KRT76: variants seen among roughly 807,000 people sequenced by gnomAD.
KRT76 encodes keratin, type II cytoskeletal 2 oral.
Under a neutral mutation model 44.9 loss-of-function variants are expected in KRT76, and 47 were observed. The ratio of observed to expected loss-of-function variants is 1.05; its 90% CI spans 0.83 to 1.33. The LOEUF (loss-of-function observed/expected upper bound fraction) is 1.33. Among genes scored for constraint, KRT76 ranks in the 40% most tolerant of loss-of-function variants. The pLI, the probability that KRT76 is intolerant of heterozygous loss-of-function variation, is 0.00. For synonymous variants in KRT76, 331 were observed against 294.1 expected, an observed-to-expected ratio of 1.13 and a Z score of -1.28; for missense variants, 860 against 775.8, an observed-to-expected ratio of 1.11 and a Z score of -1.29.
Position 52,773,598 on chromosome 12 carries a change from A to C in KRT76, c.860T>G (p.Phe287Cys), listed in dbSNP as rs111308758. ...CTCACCTACCTTCTTGAGCCCCACA[A>C]ACTCATTCTCTGCGGCAGTGCGTTT... is the stretch of plus-strand genomic sequence containing the variant. Reference protein sequence around the residue: ...INKRTAAENEFVGLKKDVDAA... With the variant: ...INKRTAAENECVGLKKDVDAA... Residue 287 changes from phenylalanine to cysteine, a missense_variant, in exon 3 of 9, where the codon TTT (phenylalanine) becomes TGT (cysteine). Transcript: ENST00000332411. 6.2e-7 allele frequency: 1 copy of C among 1,613,374 alleles called. No homozygotes were observed.
rs1939130055 is a variant in KRT76, at chr12:52,768,766, T to C, written c.1864A>G (p.Ser622Gly). 1 of 1,611,446 alleles carries C rather than the reference T, an allele frequency of 6.2e-7. No individual in the cohort carries two copies. Among genetic ancestry groups the C allele is most frequent in the Non-Finnish European group, 8.5e-7 (1 of 1,177,914 alleles). ...GYKSGGGGST[S>G]IRFSQTTSSS... ...CTCGTGGTCTGGGAGAAGCGGATAC[T>C]GGTGCTGCCTCCACCACCAGACTTG... The change falls in exon 9 of 9, where the codon AGT becomes GGT. Residue 622 changes from serine (S) to glycine (G), a missense_variant. Transcript: ENST00000332411.
chr12:52,769,732 C>G, intron 7 of KRT76, 149 bp from the exon 8 acceptor site: 1 of 684,130 alleles, frequency 1.5e-6, no homozygotes, highest in East Asian at 2.6e-5. Context: ...AGTCTGTTTC[C>G]ATGACCATAT....
chr12:52,770,758 A>G (rs770696083), intron 7 of KRT76, among the ~76,000 whole-genome samples: 9 of 152,168 alleles, frequency 5.9e-5, no homozygotes, highest in Non-Finnish European at 1.5e-5. Flanking sequence ...TTCCTCATAC[A>G]TTGCACATAG....
intron 1 of KRT76, 102 bp from the exon 2 acceptor site, chr12:52,775,704 T>C (rs1050622681): frequency 4.7e-6 from 4 of 842,194 alleles, no homozygotes; most frequent in Non-Finnish European, 7.5e-6. Flanking sequence ...AGTTCTTCAA[T>C]CTACAATTTC....
Position 52,771,026 on chromosome 12 carries a change from C to T in KRT76, c.1457G>A (p.Arg486His), listed in dbSNP as rs74606662. 103 of 1,614,070 alleles carry T rather than the reference C, an allele frequency of 6.4e-5. No individual in the cohort carries two copies. The East Asian group carries it at 7.8e-4, about 12-fold the overall frequency. The change falls in exon 7 of 9, where the codon CGC becomes CAC. Residue 486 changes from arginine to histidine, a missense_variant. By Grantham distance (29) the Arg-to-His change is conservative. Coordinates refer to ENST00000332411, the MANE Select transcript of KRT76 (RefSeq NM_015848.4). ...LALDVEIATY[R>H]KLLEGEECRM... ...GCACTCCTCTCCCTCCAGCAGCTTG[C>T]GGTAGGTGGCAATCTCCACATCCAG...
chr12:52,772,779 T>C lies in KRT76; in HGVS notation c.972+4A>G. 1 of 1,598,330 alleles carries C rather than the reference T, an allele frequency of 6.3e-7. No homozygotes were observed. ...GTTCTGCAGCTTGCAAACCAAGGAA[T>C]CACCATCTCATAGAGGGTCCTCAGG... On this transcript the variant is annotated splice_donor_region_variant and intron_variant, in intron 4 of 8. Transcript: ENST00000332411.
In KRT76 at chr12:52,777,141, C is replaced by T. The variant is rs780528665; in HGVS notation, c.151G>A (p.Gly51Ser). ...TAGAGGCTGCGACTGCCAAAGCTGC[C>T]TGCTCCGCTCCTGAAGCCACAGGCC... is the stretch of plus-strand genomic sequence containing the variant. ...GGACGFRSGA[G>S]SFGSRSLYNL... The change falls in exon 1 of 9, where the codon GGC (glycine) becomes AGC (serine). Residue 51 changes from glycine to serine, a missense_variant. Physicochemically the swap from Gly to Ser is moderately conservative, Grantham distance 56 (BLOSUM62 0). Transcript: ENST00000332411. 2.5e-6 allele frequency: 4 copies of T among 1,614,228 alleles called. No individual in the cohort carries two copies. Among genetic ancestry groups the T allele is most frequent in the Non-Finnish European group, 3.4e-6 (4 of 1,180,040 alleles).
At chr12:52,775,330 G>T in intron 2 of KRT76, 58 bp downstream of exon 2, 1 of 1,502,872 alleles carries the variant, frequency 6.7e-7, no homozygotes. Flanking sequence ...TCCCAAATTA[G>T]GACCACACCT....
At chr12:52,770,368 A>G (rs1335432402) in intron 7 of KRT76, among the ~76,000 whole-genome samples, 1 of 152,168 alleles carries the variant, frequency 6.6e-6, no homozygotes, top group African/African-American at 2.4e-5. Flanking sequence ...CAGCAGAAAG[A>G]TCTCTCAATT....
In KRT76 at chr12:52,771,949, C is replaced by T; in HGVS notation, c.1185G>A (p.Arg395=). ...TTAGRHGDDL[R]NTKSEIMELN... is the part of the protein sequence containing the mutation. Reference sequence around the variant, plus strand: ...GCTCCATGATCTCACTCTTGGTGTTCCTCAGGTCATCCCCATGCCTGCCAG... The same window carrying T: ...GCTCCATGATCTCACTCTTGGTGTTTCTCAGGTCATCCCCATGCCTGCCAG... The change falls in exon 6 of 9, where the codon AGG becomes AGA. Residue 395 remains arginine, a synonymous_variant. Coordinates refer to ENST00000332411, the MANE Select transcript of KRT76 (RefSeq NM_015848.4). The T allele has an allele frequency of 1.2e-6, 2 of 1,614,170 alleles. No individual in the cohort carries two copies. The highest frequency in any genetic ancestry group is 1.6e-4 in the Middle Eastern group (1 of 6,062).
chr12:52,768,983 A>G lies in KRT76; in HGVS notation c.1647T>C (p.Tyr549=). ...GGSSSSSSSG[Y]GVSGGSGSGY... ...CACTGCCGCTGCCGCCACTGACTCCATAGCCACTGCTGCTGCTGCTGCTGC... is the reference window on the plus strand; with the variant it reads ...CACTGCCGCTGCCGCCACTGACTCCGTAGCCACTGCTGCTGCTGCTGCTGC... Residue 549 remains tyrosine, a synonymous_variant, in exon 9 of 9, where the codon TAT becomes TAC. Transcript: ENST00000332411. 1.8e-6 allele frequency: 2 copies of G among 1,092,426 alleles called. No homozygotes were observed. The highest frequency in any genetic ancestry group is 2.8e-6 in the Non-Finnish European group (2 of 725,620). The allele number at this position is 1,092,426 out of a possible 1,614,324, so 67.7% of individuals were successfully genotyped here.
At chr12:52,773,248 A>G (rs1230501057) in intron 3 of KRT76, among the ~76,000 whole-genome samples, 1 of 152,188 alleles carries the variant, frequency 6.6e-6, no homozygotes, top group Non-Finnish European at 1.5e-5. Flanking sequence ...ACTGGTTTAA[A>G]TATGCTACAA....
At chr12:52,776,575 C>A in intron 1 of KRT76, 117 bp downstream of exon 1, 1 of 1,539,348 alleles carries the variant, frequency 6.5e-7, no homozygotes, top group Non-Finnish European at 8.9e-7. Context: ...ACCAAGACAG[C>A]ACCAGGACAA....
intron 1 of KRT76, 100 bp from the exon 2 acceptor site, chr12:52,775,702 A>T: frequency 1.2e-6 from 1 of 863,104 alleles, no homozygotes; most frequent in Admixed American, 2.4e-5. Flanking sequence ...CCAGTTCTTC[A>T]ATCTACAATT....
In KRT76 at chr12:52,772,858, C is replaced by G; in HGVS notation, c.897G>C (p.Met299Ile). ...GLKKDVDAAF[M>I]NKVELQAKVD... ...CTTTGGCCTGCAGCTCCACCTTGTTCATGAAAGCCGCATCCACATCCTGCA... is the reference window on the plus strand; with the variant it reads ...CTTTGGCCTGCAGCTCCACCTTGTTGATGAAAGCCGCATCCACATCCTGCA... Residue 299 changes from methionine (M) to isoleucine (I), a missense_variant, in exon 4 of 9, where the codon ATG becomes ATC. Coordinates refer to ENST00000332411, the MANE Select transcript of KRT76 (RefSeq NM_015848.4). 1.9e-6 allele frequency: 3 copies of G among 1,614,102 alleles called. No individual in the cohort carries two copies. The highest frequency in any genetic ancestry group is 2.5e-6 in the Non-Finnish European group (3 of 1,179,960).
At position 52,769,007 on chromosome 12, in the gene KRT76, G is replaced by A. The variant is rs762566394; in HGVS notation, c.1623C>T (p.Ser541=). The A allele has an allele frequency of 1.1e-6, 1 of 916,164 alleles. No homozygotes were observed. The highest frequency in any genetic ancestry group is 1.8e-6 in the Non-Finnish European group (1 of 565,314). The allele number at this position is 916,164 out of a possible 1,614,324, so 56.8% of individuals were successfully genotyped here. Residue 541 remains serine (S), a synonymous_variant, in exon 9 of 9, where the codon AGC becomes AGT. Coordinates refer to ENST00000332411, the MANE Select transcript of KRT76 (RefSeq NM_015848.4). Reference sequence around the variant, plus strand: ...CATAGCCACTGCTGCTGCTGCTGCTGCTGCCGCCTTTGTAGCCACCACTGC... The same window carrying A: ...CATAGCCACTGCTGCTGCTGCTGCTACTGCCGCCTTTGTAGCCACCACTGC... ...GSGSGGYKGG[S]SSSSSSGYGV...
chr12:52,771,713 A>G (rs1046431192), intron 6 of KRT76, among the ~76,000 whole-genome samples, 158 bp downstream of exon 6: 22 of 152,226 alleles, frequency 1.4e-4, no homozygotes, highest in Non-Finnish European at 1.5e-5. Flanking sequence ...ACCTCCAACA[A>G]AAACATCTGG....
At position 52,777,046 on chromosome 12, in the gene KRT76, C is replaced by T. The variant is rs1181553393; in HGVS notation, c.246G>A (p.Gly82=). ...AAGSSRAGGF[G]GGRSSCGFAG... Reference sequence around the variant, plus strand: ...CAAAGCCACAGCTGCTCCGCCCTCCCCCAAAGCCTCCAGCCCGGGAGCTGC... The same window carrying T: ...CAAAGCCACAGCTGCTCCGCCCTCCTCCAAAGCCTCCAGCCCGGGAGCTGC... The change falls in exon 1 of 9, where the codon GGG becomes GGA. Residue 82 remains glycine, a synonymous_variant. Coordinates refer to ENST00000332411, the MANE Select transcript of KRT76 (RefSeq NM_015848.4). 1 of 1,614,050 alleles carries T rather than the reference C, an allele frequency of 6.2e-7. No individual in the cohort carries two copies. Among genetic ancestry groups the T allele is most frequent in the Non-Finnish European group, 8.5e-7 (1 of 1,179,998 alleles).
At chr12:52,770,791 A>G (rs1939167116) in intron 7 of KRT76, among the ~76,000 whole-genome samples, 1 of 152,192 alleles carries the variant, frequency 6.6e-6, no homozygotes, top group South Asian at 2.1e-4. Flanking sequence ...GAGATATGTA[A>G]CATGATATTG....
Sources: allele counts gnomAD v4.1 joint callset (sites outside exome capture counted in the v4.1 genomes callset), GRCh38; gene constraint gnomAD v4.1.1; transcripts MANE v1.5; gene names NCBI Gene and HGNC (gene_info 2026-07-23, HGNC 2026-07-21).